SCFD2: variants seen among roughly 807,000 people sequenced by gnomAD.
SCFD2 encodes the protein sec1 family domain-containing protein 2.
In SCFD2, 54 loss-of-function variants were observed where a neutral mutation model predicts 58.9. The ratio of observed to expected loss-of-function variants is 0.92; its 90% CI spans 0.74 to 1.15. The LOEUF (loss-of-function observed/expected upper bound fraction) is 1.15. Among genes scored for constraint, SCFD2 ranks in the 50% most tolerant of loss-of-function variants. The probability of loss-of-function intolerance (pLI) is 0.00; values close to 1 mark genes in which losing one functional copy is unlikely to be tolerated. For missense variants in SCFD2, 805 were observed against 836.6 expected, an observed-to-expected ratio of 0.96 and a Z score of 0.47; for synonymous variants, 321 against 335.9, an observed-to-expected ratio of 0.96 and a Z score of 0.49.
chr4:53,249,728 T>A (rs1730279145), intron 4 of SCFD2, among the ~76,000 whole-genome samples: 1 of 151,966 alleles, frequency 6.6e-6, no homozygotes, highest in Non-Finnish European at 1.5e-5. Context: ...GAAGGAGAAA[T>A]AAAATACAGA....
At chr4:53,340,010 C>G (rs565737821) in intron 2 of SCFD2, among the ~76,000 whole-genome samples, 2 of 152,224 alleles carry the variant, frequency 1.3e-5, no homozygotes, top group South Asian at 4.1e-4. Flanking sequence ...CGAATAGGAA[C>G]AGCTCCAGTC....
intron 5 of SCFD2, among the ~76,000 whole-genome samples, chr4:52,983,896 G>C (rs1389330884): frequency 6.6e-6 from 1 of 152,230 alleles, no homozygotes; most frequent in African/African-American, 2.4e-5. Flanking sequence ...CCCTTCTTAA[G>C]ATAGATGCTC....
At chr4:53,274,429 G>A (rs1386619421) in intron 3 of SCFD2, among the ~76,000 whole-genome samples, 2 of 152,138 alleles carry the variant, frequency 1.3e-5, no homozygotes, top group African/African-American at 4.8e-5. Context: ...AAAAGAAGAT[G>A]AGAAATAGAT....
chr4:53,155,681 C>T (rs1291468928), intron 4 of SCFD2, among the ~76,000 whole-genome samples: 1 of 150,470 alleles, frequency 6.6e-6, no homozygotes, highest in African/African-American at 2.4e-5. Context: ...AAGAAAGACA[C>T]AGAGACACAC....
chr4:52,877,834 C>T (rs1718514829), intron 8 of SCFD2, among the ~76,000 whole-genome samples: 1 of 152,196 alleles, frequency 6.6e-6, no homozygotes, highest in African/African-American at 2.4e-5. Context: ...CATCACTGCC[C>T]TCTGGTAAGC....
At chr4:53,219,883 T>C (rs1728996280) in intron 4 of SCFD2, among the ~76,000 whole-genome samples, 2 of 152,214 alleles carry the variant, frequency 1.3e-5, no homozygotes, top group South Asian at 4.1e-4. Context: ...ACCACCACCA[T>C]GACTGCCAAG....
chr4:53,343,084 A>G (rs764791570), intron 2 of SCFD2, among the ~76,000 whole-genome samples: 3 of 152,098 alleles, frequency 2.0e-5, no homozygotes, highest in Non-Finnish European at 4.4e-5. Context: ...CAAAAGCTAG[A>G]AGAAGGCAAG....
At chr4:53,206,354 A>C (rs1728406208) in intron 4 of SCFD2, among the ~76,000 whole-genome samples, 1 of 152,140 alleles carries the variant, frequency 6.6e-6, no homozygotes, top group African/African-American at 2.4e-5. Context: ...CAGAAGATGA[A>C]GATGTTCCAG....
At chr4:52,926,989 G>C (rs1304093889) in intron 5 of SCFD2, among the ~76,000 whole-genome samples, 2 of 152,168 alleles carry the variant, frequency 1.3e-5, no homozygotes, top group African/African-American at 4.8e-5. Context: ...ATAAACCTTA[G>C]CAAGTGGCAT....
At chr4:53,276,569 A>C (rs546550594) in intron 3 of SCFD2, among the ~76,000 whole-genome samples, 1 of 152,132 alleles carries the variant, frequency 6.6e-6, no homozygotes, top group Admixed American at 6.5e-5. Context: ...CCGAGGTACT[A>C]TGCCTAGTAC....
chr4:53,337,487 G>A (rs1202049907), intron 2 of SCFD2, among the ~76,000 whole-genome samples: 3 of 152,114 alleles, frequency 2.0e-5, no homozygotes, highest in Non-Finnish European at 2.9e-5. Context: ...GCAAGAATGA[G>A]GATCAACCAG....
In SCFD2 at chr4:53,314,599, A is replaced by G. The variant is rs149992959; in HGVS notation, c.1008-836T>C. ...CCCTTTCTAAAGACTTTTTCCTCCA[A>G]TTAAAGCCCTACTCACTCTCCTACT... On this transcript the variant is annotated intron_variant, in intron 2 of 8. Transcript: ENST00000401642. 8.3e-4 allele frequency among the ~76,000 whole-genome samples: 127 copies of G among 152,284 alleles called. 1 individual carries two copies. Among genetic ancestry groups the G allele is most frequent in the African/African-American group, 2.8e-3 (116 of 41,574 alleles).
At chr4:52,983,871 G>A (rs892199026) in intron 5 of SCFD2, among the ~76,000 whole-genome samples, 2 of 152,188 alleles carry the variant, frequency 1.3e-5, no homozygotes, top group Non-Finnish European at 2.9e-5. Flanking sequence ...AGTTAACCTA[G>A]TATCCTTGCC....
chr4:53,153,310 T>G (rs1380274473), intron 4 of SCFD2, among the ~76,000 whole-genome samples: 3 of 152,234 alleles, frequency 2.0e-5, no homozygotes, highest in Non-Finnish European at 4.4e-5. Context: ...CTGCCAAGCC[T>G]GCTTCACTCA....
chr4:53,026,606 T>C (rs2148816299), intron 5 of SCFD2, among the ~76,000 whole-genome samples: 1 of 152,304 alleles, frequency 6.6e-6, no homozygotes, highest in East Asian at 1.9e-4. Flanking sequence ...GACATGTGGA[T>C]AAAATTACAG....
rs540568606 is a variant in SCFD2, at chr4:53,167,471, C to T, written c.1312-21889G>A. 2.6e-5 allele frequency among the ~76,000 whole-genome samples: 4 copies of T among 152,258 alleles called. No homozygotes were observed. The South Asian group carries it at 8.3e-4, about 32-fold the overall frequency. ...GGACAAATCTAACTTACGGAGAATA[C>T]TGAATATTGAGCAGGAACATTGATA... On this transcript the variant is annotated intron_variant, in intron 4 of 8. Coordinates refer to ENST00000401642, the MANE Select transcript of SCFD2 (RefSeq NM_152540.4).
At chr4:53,245,498 G>A (rs1730038861) in intron 4 of SCFD2, among the ~76,000 whole-genome samples, 2 of 151,990 alleles carry the variant, frequency 1.3e-5, no homozygotes, top group Non-Finnish European at 2.9e-5. Flanking sequence ...CAGAACCAAA[G>A]GGAAAAAACC....
At chr4:53,078,027 A>G (rs6855010) in intron 5 of SCFD2, among the ~76,000 whole-genome samples, 21,967 of 152,196 alleles carry the variant, frequency 0.14, 2,241 homozygotes, top group African/African-American at 0.29. Context: ...GACCACTGGA[A>G]CCATCATAAG....
chr4:52,961,475 G>T (rs1299518318), intron 5 of SCFD2, among the ~76,000 whole-genome samples: 1 of 152,108 alleles, frequency 6.6e-6, no homozygotes, highest in Non-Finnish European at 1.5e-5. Context: ...ATTTTAATCC[G>T]CTTTTTAAAA....
Sources: gnomAD v4.1 joint callset for allele counts (sites outside exome capture counted in the v4.1 genomes callset) on GRCh38, gnomAD v4.1.1 for gene constraint, MANE v1.5 for transcripts, NCBI Gene and HGNC (gene_info 2026-07-23, HGNC 2026-07-21) for gene names.